The following ACOXL variants were observed in gnomAD, a reference collection of about 807,000 sequenced individuals.
ACOXL encodes the protein acyl-CoA oxidase like.
A neutral mutation model predicts 71.9 loss-of-function variants in ACOXL; 70 were observed. The ratio of observed to expected loss-of-function variants is 0.97; its 90% confidence interval spans 0.80 to 1.19. ACOXL has a LOEUF of 1.19. Ranked by LOEUF, ACOXL falls within the 50% of genes most tolerant of loss-of-function variation. ACOXL has a pLI of 0.00. For missense variants in ACOXL, 703 were observed against 736.3 expected, an observed-to-expected ratio of 0.95 and a Z score of 0.52; for synonymous variants, 253 against 281.6, an observed-to-expected ratio of 0.90 and a Z score of 1.02.
At chr2:110,989,624 T>A (rs1301510802) in intron 13 of ACOXL, among the ~76,000 whole-genome samples, 1 of 152,070 alleles carries the variant, frequency 6.6e-6, no homozygotes. Flanking sequence ...GAGGAGAGAA[T>A]GGGTAGTTAT....
chr2:110,809,307 G>A (rs1687034542), intron 9 of ACOXL, among the ~76,000 whole-genome samples: 1 of 152,200 alleles, frequency 6.6e-6, no homozygotes, highest in Non-Finnish European at 1.5e-5. Flanking sequence ...TGGCCCTGGT[G>A]GTCTGGGAGT....
At chr2:111,081,704 C>T (rs765371559) in intron 16 of ACOXL, among the ~76,000 whole-genome samples, 44 of 152,040 alleles carry the variant, frequency 2.9e-4, no homozygotes, top group Non-Finnish European at 5.3e-4. Context: ...AAAAAGAGCC[C>T]GTATAGCCAA....
chr2:111,015,332 A>C (rs1049894081), intron 14 of ACOXL, among the ~76,000 whole-genome samples: 1 of 152,248 alleles, frequency 6.6e-6, no homozygotes, highest in African/African-American at 2.4e-5. Flanking sequence ...TCATAAAAGA[A>C]TATAAAAGAA....
chr2:111,003,135 T>C (rs1266359239), intron 14 of ACOXL, among the ~76,000 whole-genome samples: 4 of 152,240 alleles, frequency 2.6e-5, no homozygotes, highest in African/African-American at 9.6e-5. Flanking sequence ...CATTCATTTT[T>C]TCCTGTGTGT....
At chr2:110,968,327 G>T in intron 12 of ACOXL, 1 of 1,193,554 alleles carries the variant, frequency 8.4e-7, no homozygotes, top group Non-Finnish European at 1.2e-6. Context: ...TCCCTGAAGG[G>T]AGCTGTGGCT....
At chr2:110,990,595 T>A (rs938817587) in intron 13 of ACOXL, among the ~76,000 whole-genome samples, 1 of 152,222 alleles carries the variant, frequency 6.6e-6, no homozygotes, top group Non-Finnish European at 1.5e-5. Flanking sequence ...CTGATTTTAT[T>A]TATTATGTTA....
intron 9 of ACOXL, among the ~76,000 whole-genome samples, chr2:110,807,850 C>T (rs1345207992): frequency 1.3e-5 from 2 of 152,198 alleles, no homozygotes; most frequent in South Asian, 2.1e-4. Context: ...AAAATGGATC[C>T]GTTTCTCCTA....
intron 14 of ACOXL, among the ~76,000 whole-genome samples, chr2:111,004,079 T>G (rs2063764543): frequency 6.6e-6 from 1 of 152,204 alleles, no homozygotes; most frequent in Non-Finnish European, 1.5e-5. Flanking sequence ...TGTTTAGCAA[T>G]TTGAACATCT....
intron 1 of ACOXL, among the ~76,000 whole-genome samples, chr2:110,753,163 C>G (rs908550322): frequency 6.6e-6 from 1 of 152,012 alleles, no homozygotes; most frequent in Admixed American, 6.6e-5. Context: ...CTCTTTCTTA[C>G]CCCCTCTCTT....
intron 16 of ACOXL, among the ~76,000 whole-genome samples, chr2:111,086,317 A>T (rs2068203709): frequency 6.6e-6 from 1 of 152,216 alleles, no homozygotes; most frequent in Non-Finnish European, 1.5e-5. Flanking sequence ...AATACTCAAC[A>T]AAATCTTAGC....
rs935391141 is a variant in ACOXL at position 111,009,763 on chromosome 2, A to C, written c.1281+13759A>C. On this transcript the variant is annotated intron_variant, in intron 14 of 17. Coordinates refer to ENST00000439055, the MANE Select transcript of ACOXL (RefSeq NM_001142807.4). ...ACAGAGAACTCAACTATTGCCCACCACACAGGAGTCAGAATTTTTAGTCTG... is the reference window on the plus strand; with the variant it reads ...ACAGAGAACTCAACTATTGCCCACCCCACAGGAGTCAGAATTTTTAGTCTG... 2.6e-5 allele frequency among the ~76,000 whole-genome samples: 4 copies of C among 152,168 alleles called. No individual in the cohort carries two copies. In the East Asian group the frequency reaches 7.7e-4, roughly 29 times the overall value.
At chr2:111,051,006 C>T (rs1372158369) in intron 16 of ACOXL, among the ~76,000 whole-genome samples, 2 of 152,148 alleles carry the variant, frequency 1.3e-5, no homozygotes, top group South Asian at 2.1e-4. Flanking sequence ...CTGGAATTTG[C>T]GTGACCTCCA....
chr2:110,794,234 TCTC>T (rs1406686161), intron 5 of ACOXL, 60 bp downstream of exon 5: 3 of 1,492,676 alleles, frequency 2.0e-6, no homozygotes, highest in Non-Finnish European at 2.8e-6. Context: ...CAGAAACAGA[TCTC>T]CTTCTTTCTG....
At chr2:110,918,701 A>C (rs1424525845) in intron 11 of ACOXL, among the ~76,000 whole-genome samples, 2 of 152,248 alleles carry the variant, frequency 1.3e-5, no homozygotes, top group African/African-American at 4.8e-5. Flanking sequence ...AAACAAATTT[A>C]GAAGAAAAAA....
At chr2:110,859,184 C>T (rs1305056115) in intron 10 of ACOXL, among the ~76,000 whole-genome samples, 1 of 152,112 alleles carries the variant, frequency 6.6e-6, no homozygotes, top group Non-Finnish European at 1.5e-5. Context: ...TTTGAAAAAT[C>T]CAAAACAAAG....
chr2:110,780,820 G>C (rs927226302), intron 2 of ACOXL, among the ~76,000 whole-genome samples: 7 of 151,816 alleles, frequency 4.6e-5, no homozygotes, highest in Non-Finnish European at 8.8e-5. Context: ...GATTGCTTGA[G>C]ACTAGGAGTT....
chr2:111,006,734 T>G (rs1376000648), intron 14 of ACOXL, among the ~76,000 whole-genome samples: 2 of 152,028 alleles, frequency 1.3e-5, no homozygotes, highest in Non-Finnish European at 2.9e-5. Context: ...AATTTTTGTA[T>G]TTTTAGTAGA....
intron 10 of ACOXL, chr2:110,887,400 T>A (rs1558677320): frequency 1.3e-5 from 2 of 152,742 alleles, no homozygotes; most frequent in Admixed American, 6.5e-5. Flanking sequence ...CTCAGTGTTA[T>A]CCAATTACTA....
At chr2:110,882,419 T>C (rs1464572281) in intron 10 of ACOXL, among the ~76,000 whole-genome samples, 1 of 152,204 alleles carries the variant, frequency 6.6e-6, no homozygotes, top group Non-Finnish European at 1.5e-5. Context: ...ATGTGGCTTG[T>C]CTTTTTGTTC....
Sources: gnomAD v4.1 joint callset for allele counts (sites outside exome capture counted in the v4.1 genomes callset) on GRCh38, gnomAD v4.1.1 for gene constraint, MANE v1.5 for transcripts, NCBI Gene and HGNC (gene_info 2026-07-23, HGNC 2026-07-21) for gene names.